RBBP8: variants seen among roughly 807,000 people sequenced by gnomAD.
The protein encoded by RBBP8 is RB binding protein 8, endonuclease, also known as DNA endonuclease RBBP8.
A neutral mutation model predicts 108.3 loss-of-function variants in RBBP8; 88 were observed. The observed-to-expected ratio is 0.81, with a 90% CI of 0.68 to 0.97. The LOEUF (loss-of-function observed/expected upper bound fraction) is 0.97, where lower values mean the gene tolerates loss of function less well. Among genes scored for constraint, RBBP8 ranks in the 50% least tolerant of loss-of-function variants. RBBP8 has a pLI of 0.00. For synonymous variants in RBBP8, 332 were observed against 348.2 expected (o/e 0.95, Z 0.52); for missense variants, 1,023 against 1,049.0 (o/e 0.98, Z 0.34).
At position 22,995,990 on chromosome 18, in the gene RBBP8, C is replaced by G. The variant is rs533648335; in HGVS notation, c.1940-384C>G. ...GTTTTCCAAAGCAGCTACACCATTT[C>G]ACATTCCCACCAGCAGTATGTGAGG... On this transcript the variant is annotated intron_variant, in intron 12 of 18. Coordinates refer to ENST00000327155, the MANE Select transcript of RBBP8 (RefSeq NM_002894.3). Among the ~76,000 whole-genome samples, 14 of 152,326 alleles carry G rather than the reference C, an allele frequency of 9.2e-5. No homozygotes were observed. The East Asian group carries it at 2.5e-3, about 27-fold the overall frequency.
rs1005644525 is a variant in RBBP8 at position 22,997,492 on chromosome 18, A to G, written c.2029-128A>G. The G allele has an allele frequency of 3.3e-5, 23 of 687,940 alleles. No individual in the cohort carries two copies. In the African/African-American group the frequency reaches 3.8e-4, roughly 11 times the overall value. The allele number at this position is 687,940 out of a possible 1,614,324, so 42.6% of individuals were successfully genotyped here. A position where few individuals can be genotyped will look rare whatever the true frequency, so the allele number is the denominator to read the frequency against. ...CTGTTCGTAAAGTATAAAAGCAAAT[A>G]TAGCTTAATGCTTAAAAGTTGTAAA... is the stretch of plus-strand genomic sequence containing the variant. On this transcript the variant is annotated intron_variant, in intron 13 of 18. Coordinates refer to ENST00000327155, the MANE Select transcript of RBBP8 (RefSeq NM_002894.3).
intron 1 of RBBP8, among the ~76,000 whole-genome samples, 160 bp from the exon 2 acceptor site, chr18:22,936,594 T>C (rs894687821): frequency 2.0e-5 from 3 of 152,214 alleles, no homozygotes; most frequent in Non-Finnish European, 2.9e-5. Flanking sequence ...CATTATCATC[T>C]TTCCTTATTC....
At chr18:23,005,019 G>A (rs1428636439) in intron 15 of RBBP8, among the ~76,000 whole-genome samples, 9 of 151,986 alleles carry the variant, frequency 5.9e-5, no homozygotes, top group Admixed American at 4.6e-4. Flanking sequence ...AACATTAGCC[G>A]GGTGTGGTGG....
intron 16 of RBBP8, among the ~76,000 whole-genome samples, chr18:23,011,876 C>G (rs983962509): frequency 6.6e-6 from 1 of 152,072 alleles, no homozygotes; most frequent in African/African-American, 2.4e-5. Context: ...TCTTCTTGGG[C>G]CTCCCTATTC....
intron 4 of RBBP8, among the ~76,000 whole-genome samples, chr18:22,967,612 A>G (rs1913721170): frequency 2.0e-5 from 3 of 152,094 alleles, no homozygotes; most frequent in Non-Finnish European, 4.4e-5. Context: ...TTTCTCTTCA[A>G]CAGTCACAAA....
At chr18:22,966,592 A>AAG (rs149534866) in intron 4 of RBBP8, among the ~76,000 whole-genome samples, 20,746 of 143,466 alleles carry the variant, frequency 0.14, 2,307 homozygotes, top group Non-Finnish European at 0.2. Flanking sequence ...AAAAAAAAAA[A>AAG]GTCTATGTTC....
intron 8 of RBBP8, among the ~76,000 whole-genome samples, chr18:22,986,000 C>T (rs1000010761): frequency 1.3e-5 from 2 of 151,842 alleles, no homozygotes; most frequent in East Asian, 3.9e-4. Context: ...CCCCTCCCCC[C>T]AGTCCCTTCC....
chr18:22,922,174 A>T (rs554078078), intron 3 of RBBP8, among the ~76,000 whole-genome samples: 1 of 152,326 alleles, frequency 6.6e-6, no homozygotes, highest in South Asian at 2.1e-4. Context: ...TAAATACCAT[A>T]CTTGTTTGTA....
At chr18:22,980,805 C>A (rs968430232) in intron 6 of RBBP8, among the ~76,000 whole-genome samples, 4 of 148,544 alleles carry the variant, frequency 2.7e-5, no homozygotes, top group African/African-American at 1.0e-4. Context: ...GCCTCGACTT[C>A]CTGGGCTCAG....
intron 6 of RBBP8, among the ~76,000 whole-genome samples, chr18:22,976,042 A>G (rs1914472286): frequency 6.6e-6 from 1 of 152,164 alleles, no homozygotes; most frequent in South Asian, 2.1e-4. Flanking sequence ...GCGTTCCTAA[A>G]GATCCTGTTG....
chr18:22,937,158 G>A, intron 2 of RBBP8, 198 bp downstream of exon 2: 1 of 1,149,462 alleles, frequency 8.7e-7, no homozygotes, highest in South Asian at 1.5e-5. Flanking sequence ...CAGGTAGTGA[G>A]CATGGTACCC....
At chr18:22,915,698 T>A (rs891943136) in intron 2 of RBBP8, among the ~76,000 whole-genome samples, 2 of 152,122 alleles carry the variant, frequency 1.3e-5, no homozygotes, top group African/African-American at 2.4e-5. Context: ...ATTGTTAGTA[T>A]TTCTGGTGAA....
chr18:22,987,025 A>G (rs888982262), intron 8 of RBBP8, among the ~76,000 whole-genome samples: 3 of 152,154 alleles, frequency 2.0e-5, no homozygotes, highest in African/African-American at 7.2e-5. Context: ...GTATATACAC[A>G]TATATGTTAT....
At chr18:23,006,496 C>T in intron 16 of RBBP8, 64 bp downstream of exon 16, 1 of 1,343,142 alleles carries the variant, frequency 7.4e-7, no homozygotes, top group Non-Finnish European at 1.1e-6. Flanking sequence ...TCTTTTATTT[C>T]TCTCTCTTTT....
In RBBP8 at chr18:22,919,798, C is replaced by T. The variant is rs138543048; in HGVS notation, c.-154+2772C>T. ...AACTCCTGACCTTAGATGATCCACC[C>T]TCCGTGGCCTCCCAAAGTGCTGGGA... On this transcript the variant is annotated intron_variant, in intron 3 of 4. Transcript: ENST00000577588. Among the ~76,000 whole-genome samples the T allele has an allele frequency of 3.5e-3, 529 of 152,130 alleles. 1 individual carries two copies. The highest frequency in any genetic ancestry group is 0.01 in the Middle Eastern group (3 of 294).
chr18:22,988,404 C>T (rs189896531), intron 8 of RBBP8, among the ~76,000 whole-genome samples: 4 of 152,274 alleles, frequency 2.6e-5, no homozygotes, highest in African/African-American at 7.2e-5. Context: ...TCAAACCACG[C>T]GTAGTTCCCT....
intron 15 of RBBP8, among the ~76,000 whole-genome samples, chr18:23,002,266 G>A (rs1298472891): frequency 3.9e-5 from 6 of 152,028 alleles, no homozygotes; most frequent in African/African-American, 9.7e-5. Context: ...AAATTAGCTC[G>A]GCATGATGGC....
intron 3 of RBBP8, among the ~76,000 whole-genome samples, chr18:22,919,900 A>C (rs1247233269): frequency 6.6e-6 from 1 of 152,182 alleles, no homozygotes; most frequent in Non-Finnish European, 1.5e-5. Context: ...CTACGTAAGC[A>C]ATTTAGCCTA....
At chr18:22,995,160 C>T (rs4239434) in intron 12 of RBBP8, among the ~76,000 whole-genome samples, 47,992 of 151,886 alleles carry the variant, frequency 0.32, 8,329 homozygotes, top group East Asian at 0.52. Context: ...TTTCCTGAAG[C>T]ACAGTCATTA....
Sources: allele counts gnomAD v4.1 joint callset (sites outside exome capture counted in the v4.1 genomes callset), GRCh38; gene constraint gnomAD v4.1.1; transcripts MANE v1.5; gene names NCBI Gene and HGNC (gene_info 2026-07-23, HGNC 2026-07-21).